Variants in IRAG2 observed in about 807,000 individuals in gnomAD.
IRAG2 encodes the protein inositol 1,4,5-triphosphate receptor associated 2.
In IRAG2, 45 loss-of-function variants were observed where a neutral mutation model predicts 69.9. The observed-to-expected ratio is 0.64, with a 90% CI of 0.51 to 0.83. IRAG2 has a LOEUF of 0.83. Among genes scored for constraint, IRAG2 ranks in the 40% least tolerant of loss-of-function variants. The pLI is 0.00. For synonymous variants in IRAG2, 193 were observed against 202.4 expected (o/e 0.95, Z 0.40); for missense variants, 520 against 587.0 (o/e 0.89, Z 1.18).
At chr12:25,030,218 G>A in intron 9 of IRAG2, 2 of 1,069,010 alleles carry the variant, frequency 1.9e-6, no homozygotes, top group Non-Finnish European at 2.4e-6. Context: ...TGATTTTATG[G>A]CACTGTCCTT....
At chr12:25,036,840 G>T (rs780236880) in intron 15 of IRAG2, among the ~76,000 whole-genome samples, 1 of 152,182 alleles carries the variant, frequency 6.6e-6, no homozygotes, top group African/African-American at 2.4e-5. Flanking sequence ...GGGTGTATAT[G>T]AGTGTGAGGG....
upstream of IRAG2, chr12:25,004,220 T>G (rs1944413916): frequency 1.5e-6 from 1 of 664,498 alleles, no homozygotes; most frequent in African/African-American, 1.9e-5. Flanking sequence ...CCCGCCAAAG[T>G]TGATTTGGGA....
chr12:25,031,167 T>C (rs1184055638), intron 10 of IRAG2: 2 of 686,018 alleles, frequency 2.9e-6, no homozygotes, highest in Non-Finnish European at 3.6e-6. Flanking sequence ...AAAAGAAACA[T>C]GCATAGCTGT....
chr12:25,006,100 C>T (rs142721986), intron 2 of IRAG2, among the ~76,000 whole-genome samples: 4 of 152,208 alleles, frequency 2.6e-5, no homozygotes, highest in African/African-American at 9.6e-5. Context: ...AGAAGACATA[C>T]ATGCAGCCAA....
chr12:25,103,826 C>T lies in IRAG2; in HGVS notation c.934-11C>T, dbSNP rs1387965177. 2 of 1,598,618 alleles carry T rather than the reference C, an allele frequency of 1.3e-6. No homozygotes were observed. The highest frequency in any genetic ancestry group is 2.2e-5 in the East Asian group (1 of 44,732). Reference sequence around the variant, plus strand: ...GAGTTTTCTAAATGTACATTTTCCTCCTTCTGGTAGCCATCTTCTCTACGA... The same window carrying T: ...GAGTTTTCTAAATGTACATTTTCCTTCTTCTGGTAGCCATCTTCTCTACGA... On this transcript the variant is annotated splice_polypyrimidine_tract_variant and intron_variant, in intron 17 of 21. Transcript: ENST00000556887.
At chr12:25,100,100 A>G (rs1948670415) in intron 15 of IRAG2, among the ~76,000 whole-genome samples, 1 of 152,020 alleles carries the variant, frequency 6.6e-6, no homozygotes, top group African/African-American at 2.4e-5. Context: ...AAAGATATTT[A>G]ACATCCTTAA....
chr12:25,004,276 T>G, upstream of IRAG2: 1 of 1,087,422 alleles, frequency 9.2e-7, no homozygotes, highest in South Asian at 4.7e-5. Flanking sequence ...TACTGACTTT[T>G]AAACATGTAT....
intron 7 of IRAG2, among the ~76,000 whole-genome samples, chr12:25,022,240 G>A (rs1944587022): frequency 6.6e-6 from 1 of 152,038 alleles, no homozygotes; most frequent in Admixed American, 6.6e-5. Context: ...GCAGAATTTT[G>A]GCCTGCACTT....
At chr12:25,100,848 C>A in intron 15 of IRAG2, 4 of 157,936 alleles carry the variant, frequency 2.5e-5, no homozygotes, top group Non-Finnish European at 2.7e-5. Context: ...TTTACACAGA[C>A]TTTCAACCAT....
intron 21 of IRAG2, among the ~76,000 whole-genome samples, chr12:25,107,388 A>G (rs1009606619): frequency 1.3e-5 from 2 of 152,188 alleles, no homozygotes; most frequent in African/African-American, 2.4e-5. Flanking sequence ...TACTATTTTC[A>G]GCTTCAGGCA....
upstream of IRAG2, among the ~76,000 whole-genome samples, chr12:25,003,399 T>C (rs573125277): frequency 1.3e-5 from 2 of 152,250 alleles, no homozygotes; most frequent in East Asian, 3.9e-4. Flanking sequence ...CAGGCTGGAG[T>C]ACCTGTGGTG....
chr12:25,068,494 G>A (rs1946129617), intron 5 of IRAG2, among the ~76,000 whole-genome samples: 1 of 151,942 alleles, frequency 6.6e-6, no homozygotes, highest in Non-Finnish European at 1.5e-5. Context: ...TAAATCATTG[G>A]CCATTGGTGA....
chr12:25,092,564 C>CAAA (rs55719913), intron 14 of IRAG2, among the ~76,000 whole-genome samples: 1 of 101,768 alleles, frequency 9.8e-6, no homozygotes, highest in African/African-American at 4.0e-5. Context: ...GACTCTATCT[C>CAAA]AAAAAAAAAA....
chr12:25,028,142 C>T (rs985167913), intron 9 of IRAG2, among the ~76,000 whole-genome samples: 1 of 152,134 alleles, frequency 6.6e-6, no homozygotes, highest in African/African-American at 2.4e-5. Context: ...CCAGGCTGTT[C>T]TCAAACTCCT....
intron 7 of IRAG2, among the ~76,000 whole-genome samples, chr12:25,022,851 C>T (rs934280064): frequency 3.9e-5 from 6 of 152,262 alleles, no homozygotes; most frequent in East Asian, 3.9e-4. Flanking sequence ...GGCCACCGGG[C>T]GTGGTGGCTC....
At chr12:25,027,426 G>T (rs1486698170) in intron 9 of IRAG2, among the ~76,000 whole-genome samples, 8 of 135,882 alleles carry the variant, frequency 5.9e-5, no homozygotes, top group Non-Finnish European at 9.2e-5. Context: ...ACAGAATCTC[G>T]CTCTTTTGCC....
chr12:25,022,735 G>A (rs1210376036), intron 7 of IRAG2, among the ~76,000 whole-genome samples: 1 of 152,210 alleles, frequency 6.6e-6, no homozygotes, highest in Non-Finnish European at 1.5e-5. Context: ...ATAAATGATA[G>A]AGCTAAATTA....
exon 1 of IRAG2, chr12:25,004,800 T>C (rs1198294697): frequency 4.1e-6 from 5 of 1,231,992 alleles, no homozygotes; most frequent in Non-Finnish European, 4.0e-6. Context: ...ATAACTATTG[T>C]AGTGAAAATA....
intron 15 of IRAG2, among the ~76,000 whole-genome samples, chr12:25,100,656 C>G (rs929366047): frequency 5.9e-5 from 9 of 152,260 alleles, no homozygotes; most frequent in African/African-American, 2.2e-4. Context: ...TTGCTTAAAT[C>G]TGTTGTTTTC....
Sources: allele counts gnomAD v4.1 joint callset (sites outside exome capture counted in the v4.1 genomes callset), GRCh38; gene constraint gnomAD v4.1.1; transcripts MANE v1.5; gene names NCBI Gene and HGNC (gene_info 2026-07-23, HGNC 2026-07-21).